PCDH9: variants seen among roughly 807,000 people sequenced by gnomAD.
PCDH9 encodes protocadherin-9.
PCDH9 carries 24 observed loss-of-function variants against 70.6 expected under a neutral mutation model. The observed-to-expected ratio is 0.34, with a 90% confidence interval of 0.25 to 0.48. PCDH9 has a LOEUF of 0.48. Ranked by LOEUF, PCDH9 falls within the 20% of genes least tolerant of loss-of-function variation. PCDH9 has a pLI of 0.99. For missense variants in PCDH9, 1,281 were observed against 1,503.6 expected (o/e 0.85, Z 2.45); for synonymous variants, 562 against 558.5 (o/e 1.01, Z -0.09).
At position 66,526,514 on chromosome 13, in the gene PCDH9, TC is replaced by T. The variant is rs1317571477; in HGVS notation, c.3340+104695del. The stretch of plus-strand genomic sequence containing the variant: ...CTTATACAATGCTTTGAAATCTCTC[TC>T]TCTCTCTCTCTCTCTCTGTCTCTGT... On this transcript the variant is annotated intron_variant, in intron 4 of 4. Coordinates refer to ENST00000377865, the MANE Select transcript of PCDH9 (RefSeq NM_203487.3). 8.0e-5 allele frequency among the ~76,000 whole-genome samples: 7 copies of T among 87,766 alleles called. 1 individual carries two copies. The South Asian group carries it at 1.9e-3, about 24-fold the overall frequency. 57.6% of individuals were successfully genotyped at this position (87,766 alleles called of 152,430 possible).
chr13:66,768,923 G>T (rs1176961765), intron 3 of PCDH9, among the ~76,000 whole-genome samples: 1 of 151,894 alleles, frequency 6.6e-6, no homozygotes. Context: ...ACAAAGAAAA[G>T]CCCGTTAACT....
At chr13:66,372,828 A>C (rs1956680998) in intron 4 of PCDH9, among the ~76,000 whole-genome samples, 1 of 151,900 alleles carries the variant, frequency 6.6e-6, no homozygotes, top group African/African-American at 2.4e-5. Flanking sequence ...AGAACAGAGA[A>C]TATTAGATGA....
intron 2 of PCDH9, among the ~76,000 whole-genome samples, chr13:67,034,674 T>TTC (rs2084975229): frequency 6.8e-6 from 1 of 147,430 alleles, no homozygotes; most frequent in African/African-American, 2.5e-5. Flanking sequence ...ATTTCTTTCT[T>TTC]TTTTTTTTTT....
intron 4 of PCDH9, among the ~76,000 whole-genome samples, chr13:66,375,237 T>C (rs1488889068): frequency 6.6e-6 from 1 of 152,062 alleles, no homozygotes; most frequent in Non-Finnish European, 1.5e-5. Flanking sequence ...TCTAACTCTG[T>C]CCCCAAATTT....
chr13:67,217,440 A>G (rs1566502853), intron 2 of PCDH9: 1 of 152,108 alleles, frequency 6.6e-6, no homozygotes, highest in Non-Finnish European at 1.5e-5. Context: ...AGGATTTATA[A>G]AATCATTTTA....
chr13:66,896,283 A>G (rs111352771), intron 3 of PCDH9, among the ~76,000 whole-genome samples: 5 of 152,308 alleles, frequency 3.3e-5, no homozygotes, highest in African/African-American at 9.6e-5. Context: ...TGAATTTACA[A>G]TGAAGTAATT....
intron 3 of PCDH9, among the ~76,000 whole-genome samples, chr13:66,742,511 A>G: frequency 6.8e-6 from 1 of 148,090 alleles, no homozygotes; most frequent in African/African-American, 2.5e-5. Flanking sequence ...ATTAAACTAA[A>G]GAGCTTCTGC....
At chr13:66,484,431 C>A (rs1958902703) in intron 4 of PCDH9, among the ~76,000 whole-genome samples, 1 of 152,162 alleles carries the variant, frequency 6.6e-6, no homozygotes, top group African/African-American at 2.4e-5. Flanking sequence ...CATCACACAC[C>A]GTGCGAGGGC....
At chr13:66,531,921 TGAG>T (rs558155877) in intron 4 of PCDH9, among the ~76,000 whole-genome samples, 45 of 152,262 alleles carry the variant, frequency 3.0e-4, no homozygotes, top group Non-Finnish European at 5.6e-4. Flanking sequence ...TCCTATAAAA[TGAG>T]GAGAATATCT....
At chr13:66,616,127 A>G (rs1178502973) in intron 4 of PCDH9, among the ~76,000 whole-genome samples, 1 of 152,186 alleles carries the variant, frequency 6.6e-6, no homozygotes, top group Non-Finnish European at 1.5e-5. Flanking sequence ...GTGGTCAGTA[A>G]AGGATGTTAC....
At chr13:66,759,201 T>C (rs182506219) in intron 3 of PCDH9, among the ~76,000 whole-genome samples, 2 of 152,236 alleles carry the variant, frequency 1.3e-5, no homozygotes, top group Admixed American at 1.3e-4. Flanking sequence ...ACAATTGTTA[T>C]ATCTTCTTGC....
intron 4 of PCDH9, among the ~76,000 whole-genome samples, chr13:66,567,315 A>C (rs1014625899): frequency 6.6e-6 from 1 of 152,158 alleles, no homozygotes; most frequent in African/African-American, 2.4e-5. Flanking sequence ...ACATTTGAAT[A>C]AAAAACGCGT....
intron 3 of PCDH9, among the ~76,000 whole-genome samples, chr13:66,752,070 T>G (rs1239050932): frequency 6.6e-6 from 1 of 151,654 alleles, no homozygotes; most frequent in Non-Finnish European, 1.5e-5. Context: ...TAGAAAGGGG[T>G]CAATCAATCA....
intron 3 of PCDH9, among the ~76,000 whole-genome samples, chr13:66,737,763 C>G (rs2079176846): frequency 6.6e-6 from 1 of 152,218 alleles, no homozygotes; most frequent in Non-Finnish European, 1.5e-5. Context: ...GGGCCACTCC[C>G]ACCCGAATAT....
intron 2 of PCDH9, among the ~76,000 whole-genome samples, chr13:67,118,713 A>G (rs1005596367): frequency 6.6e-6 from 1 of 152,164 alleles, no homozygotes; most frequent in African/African-American, 2.4e-5. Context: ...GATAGTATTC[A>G]ATGAAAGATT....
chr13:67,078,176 T>A (rs1193932682), intron 2 of PCDH9, among the ~76,000 whole-genome samples: 2 of 152,168 alleles, frequency 1.3e-5, no homozygotes, highest in Non-Finnish European at 2.9e-5. Flanking sequence ...CCATCAATAC[T>A]GAAGCCATGC....
At chr13:66,885,619 T>C (rs372651313) in intron 3 of PCDH9, among the ~76,000 whole-genome samples, 4 of 152,298 alleles carry the variant, frequency 2.6e-5, no homozygotes, top group African/African-American at 9.6e-5. Context: ...ATTGCCAAAC[T>C]AGCTAATGTT....
Position 66,649,650 on chromosome 13 carries a change from G to A in PCDH9, c.3139-18239C>T, listed in dbSNP as rs762120604. 7.2e-5 allele frequency among the ~76,000 whole-genome samples: 11 copies of A among 151,852 alleles called. No homozygotes were observed. In the South Asian group the frequency reaches 8.3e-4, roughly 11 times the overall value. ...AAACTTACTGGTAATAGTAAGTAAC[G>A]GAAAAACACAGCATTTTATAACACT... On this transcript the variant is annotated intron_variant, in intron 3 of 4. Coordinates refer to ENST00000377865, the MANE Select transcript of PCDH9 (RefSeq NM_203487.3).
At chr13:66,980,393 C>G (rs1394921805) in intron 2 of PCDH9, among the ~76,000 whole-genome samples, 1 of 152,120 alleles carries the variant, frequency 6.6e-6, no homozygotes, top group East Asian at 1.9e-4. Flanking sequence ...GGATTATGCA[C>G]TCCTCTACCT....
Sources: allele counts gnomAD v4.1 joint callset (sites outside exome capture counted in the v4.1 genomes callset), GRCh38; gene constraint gnomAD v4.1.1; transcripts MANE v1.5; gene names NCBI Gene and HGNC (gene_info 2026-07-23, HGNC 2026-07-21).